Variants in PARD3B observed in about 807,000 individuals in gnomAD.
The protein encoded by PARD3B is partitioning defective 3 homolog B.
PARD3B carries 103 observed loss-of-function variants against 130.2 expected under a neutral mutation model. The observed-to-expected ratio is 0.79, with a 90% CI of 0.67 to 0.93. The LOEUF (loss-of-function observed/expected upper bound fraction) is 0.93. PARD3B is among the 40% of genes least tolerant of loss of function. PARD3B has a pLI of 0.00. For missense variants in PARD3B, 1,609 were observed against 1,499.2 expected, an observed-to-expected ratio of 1.07 and a Z score of -1.21; for synonymous variants, 583 against 553.2, an observed-to-expected ratio of 1.05 and a Z score of -0.76.
At chr2:205,542,629 T>G (rs2052207505) in intron 21 of PARD3B, among the ~76,000 whole-genome samples, 1 of 152,146 alleles carries the variant, frequency 6.6e-6, no homozygotes, top group Non-Finnish European at 1.5e-5. Context: ...GTGACTCCAG[T>G]AAACACTGCA....
intron 18 of PARD3B, among the ~76,000 whole-genome samples, chr2:205,388,389 C>G (rs1156868136): frequency 1.3e-5 from 2 of 152,120 alleles, no homozygotes; most frequent in Non-Finnish European, 2.9e-5. Context: ...GTTTCACAGT[C>G]TAGTAGACAA....
chr2:205,232,134 A>G (rs961274532), intron 15 of PARD3B, among the ~76,000 whole-genome samples: 2 of 152,232 alleles, frequency 1.3e-5, no homozygotes, highest in African/African-American at 4.8e-5. Flanking sequence ...CCAAGTAACT[A>G]TATTCCAATG....
chr2:204,687,182 T>G (rs2037125700), intron 2 of PARD3B, among the ~76,000 whole-genome samples: 1 of 152,204 alleles, frequency 6.6e-6, no homozygotes, highest in African/African-American at 2.4e-5. Flanking sequence ...AGTGATTTAT[T>G]AAACTCAGGT....
intron 2 of PARD3B, among the ~76,000 whole-genome samples, chr2:204,894,999 G>A (rs1180629901): frequency 6.6e-6 from 1 of 152,024 alleles, no homozygotes; most frequent in African/African-American, 2.4e-5. Context: ...ACTTAAAAAT[G>A]TTTGGACTAT....
chr2:205,211,878 A>G (rs1305485339), intron 15 of PARD3B, among the ~76,000 whole-genome samples: 1 of 152,134 alleles, frequency 6.6e-6, no homozygotes, highest in East Asian at 1.9e-4. Context: ...GAGAGCCTGA[A>G]AAGGTTTCAG....
intron 3 of PARD3B, 39 bp from the exon 4 acceptor site, chr2:205,047,542 G>T: frequency 7.3e-7 from 1 of 1,364,612 alleles, no homozygotes. Context: ...CTTCACCCCA[G>T]GGTTCTTTTG....
chr2:205,509,907 A>G (rs958168213), intron 21 of PARD3B, among the ~76,000 whole-genome samples: 2 of 152,216 alleles, frequency 1.3e-5, no homozygotes, highest in African/African-American at 4.8e-5. Flanking sequence ...AGTCGCTACA[A>G]CTAACATGGG....
intron 3 of PARD3B, among the ~76,000 whole-genome samples, chr2:205,043,361 T>C (rs1698522270): frequency 6.6e-6 from 1 of 152,146 alleles, no homozygotes; most frequent in African/African-American, 2.4e-5. Context: ...TTCCATGTCC[T>C]ATGCATGCCT....
intron 15 of PARD3B, among the ~76,000 whole-genome samples, chr2:205,231,158 G>C (rs1345860903): frequency 6.6e-6 from 1 of 151,996 alleles, no homozygotes; most frequent in African/African-American, 2.4e-5. Flanking sequence ...CATGTGTCTA[G>C]TAGTTCAATT....
At position 205,568,630 on chromosome 2, in the gene PARD3B, G is replaced by A. The variant is rs537742719; in HGVS notation, c.3260+15227G>A. On this transcript the variant is annotated intron_variant, in intron 22 of 22. Coordinates refer to ENST00000406610, the MANE Select transcript of PARD3B (RefSeq NM_001302769.2). The surrounding 1 kb of genome is among the most constrained non-coding windows in gnomAD (Gnocchi z 5.3). ...GTGTGCTGTGGCTTTACCTAGGATC[G>A]TGGCTATACACACAGGCGAGGTAAA... Among the ~76,000 whole-genome samples, 51 of 152,258 alleles carry A rather than the reference G, an allele frequency of 3.3e-4. No homozygotes were observed. In the South Asian group the frequency reaches 9.1e-3, roughly 27 times the overall value.
intron 1 of PARD3B, among the ~76,000 whole-genome samples, chr2:204,658,748 A>G (rs575294310): frequency 6.6e-6 from 1 of 152,266 alleles, no homozygotes; most frequent in African/African-American, 2.4e-5. Flanking sequence ...CTATTGTGTC[A>G]GCTTCTAATA....
intron 2 of PARD3B, among the ~76,000 whole-genome samples, chr2:204,746,694 C>T (rs1437657970): frequency 6.6e-6 from 1 of 152,104 alleles, no homozygotes; most frequent in African/African-American, 2.4e-5. Context: ...GAGATGGTAT[C>T]TCATTGTGGT....
intron 3 of PARD3B, 117 bp downstream of exon 3, chr2:204,965,440 T>C: frequency 8.9e-7 from 1 of 1,126,680 alleles, no homozygotes; most frequent in Non-Finnish European, 1.2e-6. Flanking sequence ...TCGTGGTTTA[T>C]CTTTTCTTTA....
intron 5 of PARD3B, among the ~76,000 whole-genome samples, chr2:205,107,307 G>A (rs1011172595): frequency 1.3e-5 from 2 of 152,132 alleles, no homozygotes; most frequent in African/African-American, 4.8e-5. Context: ...TTTGGATTTA[G>A]ATAAGTCTTG....
intron 2 of PARD3B, among the ~76,000 whole-genome samples, chr2:204,922,929 G>T (rs548328820): frequency 2.6e-5 from 4 of 152,170 alleles, no homozygotes; most frequent in Non-Finnish European, 4.4e-5. Flanking sequence ...TACCTTTTAT[G>T]ATATGAGATC....
In PARD3B at chr2:205,176,665, G is replaced by A; in HGVS notation, c.1924+88G>A. The stretch of plus-strand genomic sequence containing the variant: ...TCTAAAAAAAAAAAAAAAGAGTAAA[G>A]GGGAGTTAATTAGACTAAGTGCAGA... On this transcript the variant is annotated intron_variant, in intron 13 of 22. Coordinates refer to ENST00000406610, the MANE Select transcript of PARD3B (RefSeq NM_001302769.2). The surrounding 1 kb of genome is among the most constrained non-coding windows in gnomAD (Gnocchi z 5.3). 8.4e-6 allele frequency: 11 copies of A among 1,315,102 alleles called. No individual in the cohort carries two copies. Among genetic ancestry groups the A allele is most frequent in the Non-Finnish European group, 1.1e-5 (11 of 976,566 alleles). The allele number at this position is 1,315,102 out of a possible 1,614,324, so 81.5% of individuals were successfully genotyped here.
chr2:204,866,613 T>C (rs2045426338), intron 2 of PARD3B, among the ~76,000 whole-genome samples: 2 of 151,986 alleles, frequency 1.3e-5, no homozygotes, highest in African/African-American at 4.8e-5. Context: ...TTAACAGTGA[T>C]GATTGTAGAT....
intron 15 of PARD3B, among the ~76,000 whole-genome samples, chr2:205,209,816 T>C (rs2037524583): frequency 6.6e-6 from 1 of 151,972 alleles, no homozygotes; most frequent in Non-Finnish European, 1.5e-5. Context: ...AAAATTAGAA[T>C]GAATGAATAA....
At chr2:205,500,980 CA>C (rs1412229270) in intron 21 of PARD3B, among the ~76,000 whole-genome samples, 2 of 152,150 alleles carry the variant, frequency 1.3e-5, no homozygotes, top group Non-Finnish European at 2.9e-5. Flanking sequence ...CTTTGAAAGG[CA>C]GATCTGTTAA....
Sources: allele counts gnomAD v4.1 joint callset (sites outside exome capture counted in the v4.1 genomes callset), GRCh38; gene constraint gnomAD v4.1.1; non-coding constraint Gnocchi (gnomAD v3.1); transcripts MANE v1.5; gene names NCBI Gene and HGNC (gene_info 2026-07-23, HGNC 2026-07-21).